Variants in UBE2Q2 observed in about 807,000 individuals in gnomAD.
The protein encoded by UBE2Q2 is ubiquitin conjugating enzyme E2 Q2.
In UBE2Q2, 54 loss-of-function variants were observed where a neutral mutation model predicts 59.9. The observed-to-expected ratio is 0.90, with a 90% confidence interval of 0.72 to 1.13. The LOEUF (loss-of-function observed/expected upper bound fraction) is 1.13, where lower values mean the gene tolerates loss of function less well. Ranked by LOEUF, UBE2Q2 falls within the 50% of genes most tolerant of loss-of-function variation. UBE2Q2 has a pLI of 0.00. For synonymous variants in UBE2Q2, 165 were observed against 155.2 expected (o/e 1.06, Z -0.47); for missense variants, 433 against 441.9 (o/e 0.98, Z 0.18).
chr15:75,882,764 G>C (rs918502788), intron 8 of UBE2Q2, among the ~76,000 whole-genome samples: 52 of 152,228 alleles, frequency 3.4e-4, no homozygotes, highest in African/African-American at 1.1e-3. Context: ...TAAAAAATGA[G>C]ATGATTAAAG....
intron 9 of UBE2Q2, among the ~76,000 whole-genome samples, chr15:75,886,865 A>G (rs190140775): frequency 8.1e-4 from 119 of 146,198 alleles, no homozygotes; most frequent in Middle Eastern, 3.6e-3. Flanking sequence ...TCCGTCTCAA[A>G]TTTTTTTTTT....
At chr15:75,857,789 TA>T in intron 2 of UBE2Q2, among the ~76,000 whole-genome samples, 1 of 151,552 alleles carries the variant, frequency 6.6e-6, no homozygotes, top group African/African-American at 2.4e-5. Context: ...ATTTTTTCCA[TA>T]AGAGCATGTG....
Position 75,843,554 on chromosome 15 carries a change from C to G in UBE2Q2, c.-113C>G, listed in dbSNP as rs1464824414. On this transcript the variant is annotated 5_prime_UTR_variant, in exon 1 of 13. Transcript: ENST00000267938. ...TCGACGAGGCGGAGCCGCGAGAGCG[C>G]GGCCCAGGCCGGCCCCGCGGGGCGG... The G allele has an allele frequency of 5.4e-5, 38 of 700,636 alleles. No individual in the cohort carries two copies. In the Admixed American group the frequency reaches 1.8e-3, roughly 34 times the overall value. The allele number at this position is 700,636 out of a possible 1,614,324, so 43.4% of individuals were successfully genotyped here.
At chr15:75,850,546 T>C (rs768529480) in intron 1 of UBE2Q2, among the ~76,000 whole-genome samples, 8 of 152,174 alleles carry the variant, frequency 5.3e-5, no homozygotes, top group Non-Finnish European at 1.0e-4. Context: ...ACCTGACAGC[T>C]AATCACTGGA....
At chr15:75,882,690 GT>G (rs1898500296) in intron 8 of UBE2Q2, among the ~76,000 whole-genome samples, 1 of 152,150 alleles carries the variant, frequency 6.6e-6, no homozygotes, top group Admixed American at 6.5e-5. Context: ...TTGGTATCTT[GT>G]GGATAATCTT....
chr15:75,862,587 T>C (rs988510078), intron 3 of UBE2Q2, among the ~76,000 whole-genome samples: 2 of 150,856 alleles, frequency 1.3e-5, no homozygotes, highest in African/African-American at 4.9e-5. Flanking sequence ...GAGGCTGAGG[T>C]GGGAGGATCA....
At chr15:75,864,158 T>C (rs979427212) in intron 3 of UBE2Q2, among the ~76,000 whole-genome samples, 22 of 152,218 alleles carry the variant, frequency 1.4e-4, no homozygotes, top group Admixed American at 5.2e-4. Flanking sequence ...TTTTTACTTC[T>C]ATATTAAGTA....
At chr15:75,851,663 C>A (rs1896640527) in intron 1 of UBE2Q2, among the ~76,000 whole-genome samples, 2 of 152,086 alleles carry the variant, frequency 1.3e-5, no homozygotes, top group African/African-American at 4.8e-5. Flanking sequence ...TGCCAAAAAC[C>A]CAAGTTGAAA....
intron 6 of UBE2Q2, among the ~76,000 whole-genome samples, chr15:75,877,152 ACT>A (rs1220969500): frequency 1.2e-4 from 10 of 82,826 alleles, no homozygotes; most frequent in Non-Finnish European, 1.7e-4. Context: ...CAAGAGTGAG[ACT>A]CTGTCAAAAA....
At chr15:75,877,179 A>AAAT (rs909952792) in intron 6 of UBE2Q2, among the ~76,000 whole-genome samples, 3 of 150,862 alleles carry the variant, frequency 2.0e-5, no homozygotes, top group African/African-American at 7.3e-5. Context: ...AAAAAAAAAA[A>AAAT]AAAAGGGTTA....
intron 10 of UBE2Q2, 128 bp downstream of exon 10, chr15:75,890,611 C>A: frequency 1.2e-6 from 1 of 800,546 alleles, no homozygotes; most frequent in Non-Finnish European, 2.0e-6. Flanking sequence ...AAAATAGCGT[C>A]TACTTTCAAG....
intron 2 of UBE2Q2, among the ~76,000 whole-genome samples, chr15:75,854,730 A>T (rs1378886320): frequency 2.6e-5 from 4 of 152,118 alleles, no homozygotes; most frequent in African/African-American, 9.7e-5. Context: ...CTGAATTCTA[A>T]CCATTAAGCC....
At chr15:75,874,088 C>T (rs1213133882) in intron 5 of UBE2Q2, among the ~76,000 whole-genome samples, 9 of 152,112 alleles carry the variant, frequency 5.9e-5, no homozygotes, top group African/African-American at 2.2e-4. Context: ...CTGGAACCAC[C>T]TGCTGATCCC....
chr15:75,852,548 T>C (rs958138080), intron 1 of UBE2Q2, among the ~76,000 whole-genome samples: 8 of 152,230 alleles, frequency 5.3e-5, no homozygotes, highest in Non-Finnish European at 8.8e-5. Context: ...AGTGAAGACA[T>C]GTATGTTTCT....
At chr15:75,872,007 G>A (rs2460801) in intron 4 of UBE2Q2, among the ~76,000 whole-genome samples, 137,246 of 152,216 alleles carry the variant, frequency 0.9, 63,012 homozygotes, top group East Asian at 1. Flanking sequence ...TGAGAATTGT[G>A]AGGAAAACAT....
At chr15:75,879,437 G>A (rs112888153) in intron 8 of UBE2Q2, among the ~76,000 whole-genome samples, 47 of 152,314 alleles carry the variant, frequency 3.1e-4, no homozygotes, top group African/African-American at 1.1e-3. Context: ...ATGGAGAATT[G>A]TGGTGTTTAT....
intron 1 of UBE2Q2, among the ~76,000 whole-genome samples, chr15:75,846,654 T>C (rs918377517): frequency 2.6e-5 from 4 of 152,246 alleles, no homozygotes; most frequent in Non-Finnish European, 4.4e-5. Context: ...GATCGATGAT[T>C]TGTTATTCTC....
intron 12 of UBE2Q2, among the ~76,000 whole-genome samples, chr15:75,897,490 A>C (rs1406642611): frequency 2.0e-5 from 3 of 151,992 alleles, no homozygotes; most frequent in Non-Finnish European, 4.4e-5. Flanking sequence ...AAGTACTGGG[A>C]TTACAGGTGT....
intron 5 of UBE2Q2, among the ~76,000 whole-genome samples, 176 bp from the exon 6 acceptor site, chr15:75,876,011 A>G (rs1160396157): frequency 1.4e-5 from 2 of 146,710 alleles, no homozygotes; most frequent in African/African-American, 5.1e-5. Context: ...GTTGCAGTGA[A>G]CTGAGATTGC....
Sources: allele counts gnomAD v4.1 joint callset (sites outside exome capture counted in the v4.1 genomes callset), GRCh38; gene constraint gnomAD v4.1.1; transcripts MANE v1.5; gene names NCBI Gene and HGNC (gene_info 2026-07-23, HGNC 2026-07-21).